The following PDE1C variants were observed in gnomAD, a reference collection of about 807,000 sequenced individuals.
The protein encoded by PDE1C is phosphodiesterase 1C, also known as dual specificity calcium/calmodulin-dependent 3',5'-cyclic nucleotide phosphodiesterase 1C.
A neutral mutation model predicts 93.1 loss-of-function variants in PDE1C; 62 were observed. The observed-to-expected ratio is 0.67, with a 90% CI of 0.54 to 0.82. The LOEUF (loss-of-function observed/expected upper bound fraction) is 0.82. Ranked by LOEUF, PDE1C falls within the 40% of genes least tolerant of loss-of-function variation. The pLI is 0.00. For missense variants in PDE1C, 742 were observed against 884.6 expected (o/e 0.84, Z 2.04); for synonymous variants, 325 against 310.1 (o/e 1.05, Z -0.50).
Position 32,390,205 on chromosome 7 carries a change from AAGT to A in PDE1C, c.310+37614_310+37616del, listed in dbSNP as rs1343462720. Among the ~76,000 whole-genome samples the A allele has an allele frequency of 2.0e-5, 3 of 152,302 alleles. No homozygotes were observed. The East Asian group carries it at 5.8e-4, about 29-fold the overall frequency. ...ATACACACATATACAGAATAATAAA[AAGT>A]AGAGGGCAGGGAATGGAGCTATATT... is the stretch of plus-strand genomic sequence containing the variant. On this transcript the variant is annotated intron_variant, in intron 1 of 1. Coordinates refer to the PDE1C transcript ENST00000672256.
chr7:32,190,424 T>C lies in PDE1C; in HGVS notation c.136+19065A>G, dbSNP rs1804155591. Among the ~76,000 whole-genome samples, 6 of 152,220 alleles carry C rather than the reference T, an allele frequency of 3.9e-5. No homozygotes were observed. The South Asian group carries it at 1.2e-3, about 31-fold the overall frequency. ...TCCAGGGGAGGTGTGCTAGACATAG[T>C]GCTTGGCACACTATTGAGTTGGTGC... On this transcript the variant is annotated intron_variant, in intron 2 of 18. Transcript: ENST00000396193.
At chr7:31,807,372 A>G (rs1262006429) in intron 16 of PDE1C, among the ~76,000 whole-genome samples, 1 of 151,902 alleles carries the variant, frequency 6.6e-6, no homozygotes, top group Admixed American at 6.6e-5. Flanking sequence ...TATTTGCACA[A>G]TAGAACATAA....
At chr7:31,803,894 A>G (rs1391053150) in intron 16 of PDE1C, among the ~76,000 whole-genome samples, 2 of 151,910 alleles carry the variant, frequency 1.3e-5, no homozygotes, top group Admixed American at 1.3e-4. Flanking sequence ...ATGATTTATA[A>G]TCCTTTGGGT....
chr7:31,922,843 T>TA (rs58652645), intron 2 of PDE1C, among the ~76,000 whole-genome samples: 51 of 152,226 alleles, frequency 3.4e-4, no homozygotes, highest in African/African-American at 9.6e-4. Flanking sequence ...TTATTTTTTT[T>TA]AAAAATTCTC....
intron 16 of PDE1C, among the ~76,000 whole-genome samples, chr7:31,793,304 T>A (rs1459996174): frequency 6.6e-6 from 1 of 152,064 alleles, no homozygotes; most frequent in Non-Finnish European, 1.5e-5. Context: ...AAATGGAGTG[T>A]CAATGAGGCA....
downstream of PDE1C, among the ~76,000 whole-genome samples, chr7:31,746,809 T>A (rs1009913592): frequency 6.6e-6 from 1 of 151,900 alleles, no homozygotes; most frequent in African/African-American, 2.4e-5. Flanking sequence ...TGTCGACATG[T>A]CCTAATTGAG....
At chr7:31,687,876 C>A in the PDE1C span, among the ~76,000 whole-genome samples, 1 of 152,102 alleles carries the variant, frequency 6.6e-6, no homozygotes, top group Non-Finnish European at 1.5e-5. Flanking sequence ...AAATCAAGAC[C>A]TGATTACTTT....
the PDE1C span, among the ~76,000 whole-genome samples, chr7:31,662,417 T>G: frequency 6.6e-6 from 1 of 152,266 alleles, no homozygotes; most frequent in South Asian, 2.1e-4. Context: ...AGAATCTCAG[T>G]GCCTGGAAAA....
chr7:32,038,370 CAG>C (rs1454109392), intron 2 of PDE1C, among the ~76,000 whole-genome samples: 2 of 152,024 alleles, frequency 1.3e-5, no homozygotes, highest in Non-Finnish European at 2.9e-5. Context: ...CCAAGTTTTG[CAG>C]AGAGTTAATT....
In PDE1C at chr7:32,401,896, G is replaced by A. The variant is rs531820767; in HGVS notation, c.310+25926C>T. 1.7e-3 allele frequency among the ~76,000 whole-genome samples: 266 copies of A among 152,264 alleles called. 2 individuals are homozygous for A. The highest frequency in any genetic ancestry group is 6.1e-3 in the African/African-American group (253 of 41,554). On this transcript the variant is annotated intron_variant, in intron 1 of 1. Transcript: ENST00000672256. ...GAACTGGACCTGAGTTCAAATCCTG[G>A]CTTGTATCAATTTGGTAGCATGTGA...
At chr7:31,850,619 C>T (rs1259395102) in intron 8 of PDE1C, 22 bp downstream of exon 8, 3 of 1,545,006 alleles carry the variant, frequency 1.9e-6, no homozygotes, top group Non-Finnish European at 2.7e-6. Flanking sequence ...TGCCTCTCTT[C>T]CAAACATTTA....
At chr7:31,715,471 T>A in the PDE1C span, among the ~76,000 whole-genome samples, 1 of 152,346 alleles carries the variant, frequency 6.6e-6, no homozygotes, top group Middle Eastern at 3.4e-3. Context: ...ACTCTTGACC[T>A]CAAGTGATCT....
chr7:31,822,345 C>T (rs945165788), intron 14 of PDE1C, among the ~76,000 whole-genome samples: 1 of 152,048 alleles, frequency 6.6e-6, no homozygotes, highest in Admixed American at 6.6e-5. Flanking sequence ...CAGGTTTGCG[C>T]TACCTGTGCA....
intron 6 of PDE1C, among the ~76,000 whole-genome samples, chr7:31,870,314 AGTT>A (rs1419798862): frequency 1.6e-4 from 25 of 152,128 alleles, no homozygotes; most frequent in South Asian, 8.3e-4. Context: ...AAATGAGAAA[AGTT>A]GTTTTTTTGA....
chr7:32,359,202 C>G (rs1417214043), intron 1 of PDE1C, among the ~76,000 whole-genome samples: 1 of 152,134 alleles, frequency 6.6e-6, no homozygotes, highest in Non-Finnish European at 1.5e-5. Context: ...TTTTCATCCT[C>G]CGACCACCTC....
chr7:32,384,275 T>A (rs115028784), intron 1 of PDE1C, among the ~76,000 whole-genome samples: 2,612 of 152,270 alleles, frequency 0.017, 38 homozygotes, highest in Middle Eastern at 0.041. Flanking sequence ...GAGATGGATA[T>A]GAAAATAACA....
intron 3 of PDE1C, among the ~76,000 whole-genome samples, chr7:32,167,883 T>A (rs552224546): frequency 2.0e-5 from 3 of 152,288 alleles, no homozygotes; most frequent in Admixed American, 2.0e-4. Context: ...ATGCTCTGAT[T>A]TATTCATTGA....
At chr7:31,845,743 C>A (rs959614783) in intron 9 of PDE1C, among the ~76,000 whole-genome samples, 23 of 152,118 alleles carry the variant, frequency 1.5e-4, no homozygotes, top group African/African-American at 5.3e-4. Context: ...GTAATCCCAG[C>A]ACTTTGGGAG....
chr7:32,136,819 C>G (rs6947433), intron 3 of PDE1C, among the ~76,000 whole-genome samples: 111 of 152,192 alleles, frequency 7.3e-4, no homozygotes, highest in African/African-American at 2.7e-3. Flanking sequence ...CTGGGCCTAA[C>G]ACAATCTAAA....
Sources: allele counts gnomAD v4.1 joint callset (sites outside exome capture counted in the v4.1 genomes callset), GRCh38; gene constraint gnomAD v4.1.1; transcripts MANE v1.5; gene names NCBI Gene and HGNC (gene_info 2026-07-23, HGNC 2026-07-21).